Variants in ZSCAN5A observed in about 807,000 individuals in gnomAD.
ZSCAN5A encodes the protein zinc finger and SCAN domain containing 5A.
In ZSCAN5A, 12 loss-of-function variants were observed where a neutral mutation model predicts 23.7. The ratio of observed to expected loss-of-function variants is 0.51; its 90% CI spans 0.32 to 0.82. The LOEUF is 0.82. ZSCAN5A is among the 40% of genes least tolerant of loss of function. ZSCAN5A has a pLI of 0.03. For missense variants in ZSCAN5A, 597 were observed against 617.9 expected (o/e 0.97, Z 0.36); for synonymous variants, 257 against 239.9 (o/e 1.07, Z -0.66).
intron 2 of ZSCAN5A, among the ~76,000 whole-genome samples, chr19:56,262,415 T>TTTTTTTG (rs111892177): frequency 0.011 from 1,710 of 151,844 alleles, 42 homozygotes; most frequent in African/African-American, 0.039. Flanking sequence ...TCTAATTTTT[T>TTTTTTTG]TTTTTTTGTT....
intron 2 of ZSCAN5A, among the ~76,000 whole-genome samples, chr19:56,359,209 G>A (rs2041717589): frequency 6.6e-6 from 1 of 150,936 alleles, no homozygotes; most frequent in Non-Finnish European, 1.5e-5. Flanking sequence ...AAAAAGACAA[G>A]ATTCAAATAA....
intron 2 of ZSCAN5A, among the ~76,000 whole-genome samples, chr19:56,332,619 T>C (rs1054903649): frequency 2.0e-5 from 3 of 152,204 alleles, no homozygotes; most frequent in African/African-American, 7.2e-5. Flanking sequence ...AACTTGCCAC[T>C]CTACGCCTTT....
intron 2 of ZSCAN5A, among the ~76,000 whole-genome samples, chr19:56,261,328 T>C (rs1386084120): frequency 6.6e-6 from 1 of 152,180 alleles, no homozygotes; most frequent in African/African-American, 2.4e-5. Context: ...CTCCCAGTGG[T>C]AGCTCAGGGG....
At position 56,222,639 on chromosome 19, in the gene ZSCAN5A, C is replaced by G. The variant is rs1367744432; in HGVS notation, c.691G>C (p.Glu231Gln). The change falls in exon 5 of 6, where the codon GAG becomes CAG. Residue 231 changes from glutamate (E) to glutamine (Q), a missense_variant. This residue lies in a region of ZSCAN5A where 406 missense variants were observed against 353.2 expected (regional missense o/e 1.15). Transcript: ENST00000683990. ...TCTGGGGATGTCAGTCCTGGGTTCT[C>G]TTCCCTGTTTTCCTTCAGATCCTTC... ...LEKDLKENREENPGLTSPEPQ... is the reference protein window; with the variant it reads ...LEKDLKENREQNPGLTSPEPQ... The G allele has an allele frequency of 1.2e-6, 2 of 1,614,224 alleles. No individual in the cohort carries two copies. Among genetic ancestry groups the G allele is most frequent in the South Asian group, 2.2e-5 (2 of 91,078 alleles).
chr19:56,251,401 T>C (rs535270270), intron 2 of ZSCAN5A, among the ~76,000 whole-genome samples: 24 of 152,052 alleles, frequency 1.6e-4, no homozygotes, highest in Admixed American at 1.3e-3. Context: ...GAAAAATGAT[T>C]GGGAGTTTCG....
intron 2 of ZSCAN5A, among the ~76,000 whole-genome samples, chr19:56,233,558 C>T (rs1483103815): frequency 6.6e-6 from 1 of 151,392 alleles, no homozygotes; most frequent in African/African-American, 2.4e-5. Flanking sequence ...TTGTACCAAA[C>T]CAACTTGAAG....
At chr19:56,273,903 T>C (rs2038046885) in intron 2 of ZSCAN5A, among the ~76,000 whole-genome samples, 1 of 152,164 alleles carries the variant, frequency 6.6e-6, no homozygotes, top group African/African-American at 2.4e-5. Context: ...GTTTAAACAA[T>C]GTGTCTTGCC....
chr19:56,313,534 A>G (rs2041173336), intron 1 of ZSCAN5A, 150 bp from the exon 2 acceptor site: 1 of 153,776 alleles, frequency 6.5e-6, no homozygotes, highest in South Asian at 1.9e-4. Flanking sequence ...ACACAGCCAA[A>G]CCATATCAGA....
At chr19:56,332,237 G>A (rs1229273119) in intron 2 of ZSCAN5A, among the ~76,000 whole-genome samples, 1 of 152,118 alleles carries the variant, frequency 6.6e-6, no homozygotes, top group Non-Finnish European at 1.5e-5. Flanking sequence ...CTGCTCTGAT[G>A]ATCCGTCTAA....
chr19:56,325,496 G>C (rs994825016), intron 2 of ZSCAN5A, among the ~76,000 whole-genome samples: 1 of 152,188 alleles, frequency 6.6e-6, no homozygotes, highest in African/African-American at 2.4e-5. Flanking sequence ...ATGGGGCTTA[G>C]CTTGCTAGGT....
chr19:56,272,763 G>A (rs1379974819), intron 2 of ZSCAN5A: 3 of 586,534 alleles, frequency 5.1e-6, no homozygotes, highest in African/African-American at 4.0e-5. Flanking sequence ...TGGAGCCTGG[G>A]AAGACGGTGG....
chr19:56,365,291 A>G (rs1173250361), intron 1 of ZSCAN5A, among the ~76,000 whole-genome samples: 3 of 152,196 alleles, frequency 2.0e-5, no homozygotes, highest in Admixed American at 6.5e-5. Context: ...CCGACTGCCT[A>G]TGGTACATAC....
chr19:56,332,800 C>T (rs1340658220), intron 2 of ZSCAN5A, among the ~76,000 whole-genome samples: 1 of 152,170 alleles, frequency 6.6e-6, no homozygotes, highest in African/African-American at 2.4e-5. Context: ...GGTATTGTTC[C>T]TTTGTTTCCA....
At chr19:56,271,933 CAGTT>C (rs1289987789) in intron 2 of ZSCAN5A, among the ~76,000 whole-genome samples, 1 of 152,190 alleles carries the variant, frequency 6.6e-6, no homozygotes. Flanking sequence ...CCAGTGGAAA[CAGTT>C]AGTTCCCTGT....
At chr19:56,346,910 G>A (rs1600297359) in intron 2 of ZSCAN5A, among the ~76,000 whole-genome samples, 1 of 152,138 alleles carries the variant, frequency 6.6e-6, no homozygotes, top group Non-Finnish European at 1.5e-5. Flanking sequence ...TGTATTTTTA[G>A]TAGAGATGGG....
chr19:56,289,289 T>C (rs1209967895), intron 2 of ZSCAN5A, among the ~76,000 whole-genome samples: 1 of 152,172 alleles, frequency 6.6e-6, no homozygotes, highest in Admixed American at 6.5e-5. Flanking sequence ...TCTTTTTTTA[T>C]TTGGTGTAGA....
At chr19:56,241,983 CT>C (rs1350989623) in intron 2 of ZSCAN5A, among the ~76,000 whole-genome samples, 12 of 152,196 alleles carry the variant, frequency 7.9e-5, no homozygotes, top group African/African-American at 2.2e-4. Context: ...TCAACCCTCC[CT>C]CCCTCTATCC....
intron 2 of ZSCAN5A, among the ~76,000 whole-genome samples, chr19:56,241,143 A>G (rs1310696303): frequency 1.3e-5 from 2 of 152,256 alleles, no homozygotes; most frequent in Non-Finnish European, 2.9e-5. Context: ...CCTGTGTGCT[A>G]TATACTCCCA....
intron 2 of ZSCAN5A, among the ~76,000 whole-genome samples, chr19:56,238,398 A>G (rs2035161110): frequency 6.6e-6 from 1 of 152,204 alleles, no homozygotes; most frequent in South Asian, 2.1e-4. Flanking sequence ...GACCTTAGTC[A>G]CCAAGGACAG....
Sources: allele counts gnomAD v4.1 joint callset (sites outside exome capture counted in the v4.1 genomes callset), GRCh38; gene constraint gnomAD v4.1.1; regional missense constraint gnomAD v4.1.1; transcripts MANE v1.5; gene names NCBI Gene and HGNC (gene_info 2026-07-23, HGNC 2026-07-21).